SSMEM1: variants seen among roughly 807,000 people sequenced by gnomAD.
SSMEM1 encodes the protein serine rich single-pass membrane protein 1.
A neutral mutation model predicts 9.9 loss-of-function variants in SSMEM1; 12 were observed. The observed-to-expected ratio is 1.21, with a 90% confidence interval of 0.78 to 1.96. The LOEUF is 1.96. SSMEM1 is among the 30% of genes most tolerant of loss of function. The probability of loss-of-function intolerance (pLI) is 0.00; values close to 1 mark genes in which losing one functional copy is unlikely to be tolerated. For missense variants in SSMEM1, 259 were observed against 292.2 expected, an observed-to-expected ratio of 0.89 and a Z score of 0.83; for synonymous variants, 96 against 98.9, an observed-to-expected ratio of 0.97 and a Z score of 0.17.
At position 130,207,991 on chromosome 7, in the gene SSMEM1, T is replaced by A. The variant is rs1461391100; in HGVS notation, c.81T>A (p.Tyr27Ter). The change falls in exon 1 of 3, where the codon TAT becomes TAA. Residue 27 changes from tyrosine to a stop codon, truncating the protein, a stop_gained. Transcript: ENST00000297819. LOFTEE classifies it high-confidence loss of function. ...PVNCAIPNQDYECWKDDSCGT... is the reference protein window; with the variant it reads ...PVNCAIPNQD ...ATTGTGCCATTCCAAATCAGGATTA[T>A]GAATGCTGGAAGGATGACTCTTGTG... 1.2e-6 allele frequency: 2 copies of A among 1,613,980 alleles called. No individual in the cohort carries two copies. Among genetic ancestry groups the A allele is most frequent in the Admixed American group, 3.3e-5 (2 of 60,012 alleles).
rs369754329 is a variant in SSMEM1 at position 130,215,967 on chromosome 7, T to C, written c.239-7T>C. 4.6e-4 allele frequency: 736 copies of C among 1,612,466 alleles called. 1 individual carries two copies. The highest frequency in any genetic ancestry group is 6.1e-4 in the Non-Finnish European group (719 of 1,179,284). ...TTACTAACTTGATATGTTTCATTGG[T>C]TGTTAGCAAGCAAAGAGACTTCCTG... is the stretch of plus-strand genomic sequence containing the variant. On this transcript the variant is annotated splice_polypyrimidine_tract_variant and splice_region_variant and intron_variant, in intron 2 of 2. Coordinates refer to ENST00000297819, the MANE Select transcript of SSMEM1 (RefSeq NM_145268.4).
Position 130,216,146 on chromosome 7 carries a change from G to A in SSMEM1, c.411G>A (p.Glu137=), listed in dbSNP as rs745644168. Residue 137 remains glutamate, a synonymous_variant, in exon 3 of 3, where the codon GAG becomes GAA. Transcript: ENST00000297819. ...CCAGGCGCCAGTCTCAGTTCAATGA[G>A]GTGAACCAGAACCAACATGACAGTG... ...RRARRQSQFN[E]VNQNQHDSDT... 9 of 1,614,062 alleles carry A rather than the reference G, an allele frequency of 5.6e-6. No individual in the cohort carries two copies. In the African/African-American group the frequency reaches 6.7e-5, roughly 12 times the overall value.
In SSMEM1 at chr7:130,216,665, G is replaced by A; in HGVS notation, c.*195G>A. 1.6e-6 allele frequency: 1 copy of A among 630,224 alleles called. No individual in the cohort carries two copies. The highest frequency in any genetic ancestry group is 2.7e-6 in the Non-Finnish European group (1 of 375,294). The allele number at this position is 630,224 out of a possible 1,614,324, so 39.0% of individuals were successfully genotyped here. On this transcript the variant is annotated 3_prime_UTR_variant, in exon 3 of 3. Coordinates refer to ENST00000297819, the MANE Select transcript of SSMEM1 (RefSeq NM_145268.4). Reference sequence around the variant, plus strand: ...AAAAAAAAGGCCATCACGTGTTTATGGCACCATTGGAACACCAAAGATCTA... The same window carrying A: ...AAAAAAAAGGCCATCACGTGTTTATAGCACCATTGGAACACCAAAGATCTA...
upstream of SSMEM1, chr7:130,207,811 G>C (rs770588079): frequency 8.7e-5 from 111 of 1,280,418 alleles, no homozygotes; most frequent in Non-Finnish European, 1.1e-4. Flanking sequence ...TGTCATAATA[G>C]GTTGCCAAGG....
At chr7:130,212,958 A>G (rs1384403990) in intron 1 of SSMEM1, among the ~76,000 whole-genome samples, 1 of 152,196 alleles carries the variant, frequency 6.6e-6, no homozygotes, top group African/African-American at 2.4e-5. Flanking sequence ...CTTAATGGGA[A>G]GTGGAAGTAG....
At chr7:130,214,774 C>G (rs1798671464) in intron 2 of SSMEM1, among the ~76,000 whole-genome samples, 1 of 152,158 alleles carries the variant, frequency 6.6e-6, no homozygotes, top group Non-Finnish European at 1.5e-5. Context: ...CAGGGTTAGT[C>G]ACAATGTAGT....
At position 130,216,670 on chromosome 7, in the gene SSMEM1, C is replaced by T; in HGVS notation, c.*200C>T. On this transcript the variant is annotated 3_prime_UTR_variant, in exon 3 of 3. Transcript: ENST00000297819. ...AAAGGCCATCACGTGTTTATGGCAC[C>T]ATTGGAACACCAAAGATCTATATCT... 3.3e-6 allele frequency: 2 copies of T among 605,872 alleles called. No individual in the cohort carries two copies. Among genetic ancestry groups the T allele is most frequent in the East Asian group, 2.9e-5 (1 of 34,822 alleles). The allele number at this position is 605,872 out of a possible 1,614,324, so 37.5% of individuals were successfully genotyped here.
At chr7:130,205,531 T>A, upstream of SSMEM1, 1 of 1,198,324 alleles carries the variant, frequency 8.3e-7, no homozygotes. Flanking sequence ...GCCCAGGCGC[T>A]CGGAGCGTTA....
chr7:130,206,191 G>C (rs1241214828), upstream of SSMEM1, among the ~76,000 whole-genome samples: 2 of 152,178 alleles, frequency 1.3e-5, no homozygotes, highest in African/African-American at 2.4e-5. Flanking sequence ...GTGCCGCTGA[G>C]CCAGGCGCAC....
At chr7:130,206,391 G>C (rs958880200), upstream of SSMEM1, among the ~76,000 whole-genome samples, 1 of 152,144 alleles carries the variant, frequency 6.6e-6, no homozygotes, top group Non-Finnish European at 1.5e-5. Context: ...AGAAACCCAG[G>C]GCCTGGGGAC....
At position 130,216,539 on chromosome 7, in the gene SSMEM1, A is replaced by C. The variant is rs907901513; in HGVS notation, c.*69A>C. ...TGAATAAAACATGAAAAATCACCAG[A>C]GCTATAGGTGAGGAGACTTTTACAA... On this transcript the variant is annotated 3_prime_UTR_variant, in exon 3 of 3. Transcript: ENST00000297819. The C allele has an allele frequency of 2.0e-6, 3 of 1,530,568 alleles. No individual in the cohort carries two copies. The African/African-American group carries it at 4.2e-5, about 21-fold the overall frequency. The allele number at this position is 1,530,568 out of a possible 1,614,324, so 94.8% of individuals were successfully genotyped here.
intron 1 of SSMEM1, among the ~76,000 whole-genome samples, chr7:130,209,297 A>G (rs1313791057): frequency 6.6e-6 from 1 of 152,212 alleles, no homozygotes; most frequent in East Asian, 1.9e-4. Context: ...TTAATGCTCT[A>G]TGAGCTCGGA....
intron 2 of SSMEM1, among the ~76,000 whole-genome samples, chr7:130,213,919 A>G (rs1174236687): frequency 6.6e-6 from 1 of 152,146 alleles, no homozygotes; most frequent in Non-Finnish European, 1.5e-5. Flanking sequence ...GCAAGAAGCT[A>G]TGAATTACTG....
chr7:130,209,106 G>A (rs1252777463), intron 1 of SSMEM1, among the ~76,000 whole-genome samples: 2 of 152,078 alleles, frequency 1.3e-5, no homozygotes, highest in Admixed American at 6.5e-5. Context: ...CAAGTAGTCT[G>A]CCCGCTTTGG....
intron 2 of SSMEM1, among the ~76,000 whole-genome samples, chr7:130,213,884 T>G (rs1158389234): frequency 6.6e-6 from 1 of 152,162 alleles, no homozygotes; most frequent in African/African-American, 2.4e-5. Context: ...GACTCCCTAG[T>G]GCAGAGGGAC....
chr7:130,209,007 C>T (rs900822749), intron 1 of SSMEM1, among the ~76,000 whole-genome samples: 3 of 152,142 alleles, frequency 2.0e-5, no homozygotes, highest in East Asian at 1.9e-4. Context: ...GGACCACAGG[C>T]GCAAGCCACC....
chr7:130,205,972 C>T (rs1222005230), upstream of SSMEM1, among the ~76,000 whole-genome samples: 1 of 152,190 alleles, frequency 6.6e-6, no homozygotes, highest in Non-Finnish European at 1.5e-5. Context: ...TTTGGGATTA[C>T]AGGCGTGGCC....
rs766310470 is a variant in SSMEM1, at chr7:130,213,205, G to A, written c.184-275G>A. On this transcript the variant is annotated intron_variant, in intron 1 of 2. Transcript: ENST00000297819. ...TCTACTAAAAATACAAAAATTAGCC[G>A]GGCGTGGTAGCGGGCACCTGTAATC... 7.9e-5 allele frequency among the ~76,000 whole-genome samples: 12 copies of A among 151,980 alleles called. No homozygotes were observed. The South Asian group carries it at 1.0e-3, about 13-fold the overall frequency.
chr7:130,205,455 C>T (rs377247941), upstream of SSMEM1: 39 of 1,608,326 alleles, frequency 2.4e-5, 2 homozygotes, highest in African/African-American at 4.0e-4. Flanking sequence ...AGGCCACCGG[C>T]AAGCGGCTCT....
Sources: gnomAD v4.1 joint callset for allele counts (sites outside exome capture counted in the v4.1 genomes callset) on GRCh38, gnomAD v4.1.1 for gene constraint, MANE v1.5 for transcripts, NCBI Gene and HGNC (gene_info 2026-07-23, HGNC 2026-07-21) for gene names.